CFAP47: variants seen among roughly 807,000 people sequenced by gnomAD.
The protein encoded by CFAP47 is cilia and flagella associated protein 47, also known as cilia- and flagella-associated protein 47.
A neutral mutation model predicts 148.1 loss-of-function variants in CFAP47; 29 were observed. The observed-to-expected ratio is 0.20, with a 90% confidence interval of 0.15 to 0.27. CFAP47 has a LOEUF of 0.27. Among genes scored for constraint, CFAP47 ranks in the 10% least tolerant of loss-of-function variants. The probability of loss-of-function intolerance (pLI) is 1.00; values close to 1 mark genes in which losing one functional copy is unlikely to be tolerated. For synonymous variants in CFAP47, 664 were observed against 577.3 expected, an observed-to-expected ratio of 1.15 and a Z score of -2.15; for missense variants, 1,872 against 1,697.5, an observed-to-expected ratio of 1.10 and a Z score of -1.81.
intron 39 of CFAP47, among the ~76,000 whole-genome samples, chrX:36,176,177 C>G (rs1939677881): frequency 8.9e-6 from 1 of 112,654 alleles, no homozygotes; most frequent in Non-Finnish European, 1.9e-5. Context: ...GGTGTGCGCA[C>G]CCACTGACCT....
intron 51 of CFAP47, among the ~76,000 whole-genome samples, chrX:36,294,747 AAT>A (rs1392159293): frequency 1.8e-5 from 2 of 111,197 alleles, no homozygotes; most frequent in Admixed American, 1.9e-4. Context: ...AAAATAAATA[AAT>A]ATGTATGTGT....
intron 57 of CFAP47, among the ~76,000 whole-genome samples, chrX:36,344,675 C>G (rs1941682730): frequency 8.9e-6 from 1 of 111,924 alleles, no homozygotes; most frequent in African/African-American, 3.2e-5. Flanking sequence ...TCTTCACTAT[C>G]TAAAAGCCTA....
chrX:36,187,562 C>A (rs987051206), intron 40 of CFAP47, among the ~76,000 whole-genome samples: 8 of 111,948 alleles, frequency 7.1e-5, no homozygotes, highest in African/African-American at 2.3e-4. Flanking sequence ...TCTGTATGGT[C>A]TCCCTTATAA....
intron 39 of CFAP47, among the ~76,000 whole-genome samples, chrX:36,172,508 G>A (rs1233598083): frequency 5.5e-5 from 6 of 108,841 alleles, no homozygotes; most frequent in Admixed American, 2.0e-4. Context: ...TTTAGCATGA[G>A]GGGTTGTTGA....
intron 39 of CFAP47, 81 bp downstream of exon 39, chrX:36,160,850 CTTTTTTT>C (rs147566241): frequency 2.5e-5 from 4 of 158,853 alleles, no homozygotes; most frequent in African/African-American, 4.2e-5. Flanking sequence ...TTCTTTCTTT[CTTTTTTT>C]TTTTTTTTTT....
intron 49 of CFAP47, among the ~76,000 whole-genome samples, chrX:36,277,524 TAA>T (rs1256909618): frequency 8.9e-6 from 1 of 112,075 alleles, no homozygotes; most frequent in Non-Finnish European, 1.9e-5. Context: ...GCCTAGAATT[TAA>T]AAAAATATTG....
At chrX:35,970,994 C>A (rs1443727440) in intron 11 of CFAP47, 71 bp downstream of exon 11, 1 of 854,450 alleles carries the variant, frequency 1.2e-6, no homozygotes, top group African/African-American at 2.1e-5. Flanking sequence ...TTTTTTAACT[C>A]CTTGGTTTCT....
chrX:35,960,390 A>G (rs1201125799), intron 8 of CFAP47, among the ~76,000 whole-genome samples: 1 of 100,697 alleles, frequency 9.9e-6, no homozygotes, highest in African/African-American at 3.7e-5. Context: ...GAAAAAAAAA[A>G]AAAAAAAAAA....
chrX:36,126,185 C>A (rs2146818376), intron 33 of CFAP47, among the ~76,000 whole-genome samples: 1 of 108,997 alleles, frequency 9.2e-6, no homozygotes, highest in Admixed American at 9.9e-5. Flanking sequence ...TTTGCTGCAC[C>A]CATCTACCCA....
Position 36,361,445 on chromosome X carries a change from G to A in CFAP47, c.8967G>A (p.Met2989Ile). ...TGATTGAAAAATCTTATGATATTAT[G>A]GCTAAAAGGATAACATTTATCTTCA... ...LYMIEKSYDI[M>I]AKRITFIFNL... The change falls in exon 61 of 64, where the codon ATG becomes ATA. Residue 2989 changes from methionine to isoleucine, a missense_variant. By Grantham distance (10) the Met-to-Ile change is conservative (BLOSUM62 1). Transcript: ENST00000378653. 9.2e-7 allele frequency: 1 copy of A among 1,087,838 alleles called. No homozygotes were observed. The highest frequency in any genetic ancestry group is 1.2e-6 in the Non-Finnish European group (1 of 809,664). The allele number at this position is 1,087,838 out of a possible 1,213,427, so 89.7% of individuals were successfully genotyped here.
At chrX:35,941,443 G>T (rs376553281) in intron 3 of CFAP47, 45 bp downstream of exon 3, 2 of 705,809 alleles carry the variant, frequency 2.8e-6, no homozygotes, top group African/African-American at 4.5e-5. Context: ...AGAAGAGTTG[G>T]TATTATTTGA....
chrX:35,989,747 T>C (rs191618181), intron 16 of CFAP47: 2 of 379,153 alleles, frequency 5.3e-6, no homozygotes, highest in East Asian at 9.5e-5. Context: ...TCTGGTACAG[T>C]CCAGAGGGCC....
chrX:36,325,716 A>G (rs1448519013), intron 57 of CFAP47, among the ~76,000 whole-genome samples: 1 of 111,156 alleles, frequency 9.0e-6, no homozygotes. Context: ...TGAAGATGCC[A>G]GGATTTTACA....
In CFAP47 at chrX:36,381,793, T is replaced by C. The variant is rs1050487958; in HGVS notation, c.9354+2275T>C. 2.7e-5 allele frequency among the ~76,000 whole-genome samples: 3 copies of C among 110,544 alleles called. No individual in the cohort carries two copies. The East Asian group carries it at 8.5e-4, about 31-fold the overall frequency. ...GAATTATCTAACATAAAATATATGA[T>C]GCTTTATCTTTATACTTATATAAAT... On this transcript the variant is annotated intron_variant, in intron 63 of 63. Coordinates refer to ENST00000378653, the MANE Select transcript of CFAP47 (RefSeq NM_001304548.2).
intron 39 of CFAP47, among the ~76,000 whole-genome samples, chrX:36,165,490 A>G (rs990462742): frequency 6.3e-5 from 7 of 111,235 alleles, no homozygotes; most frequent in African/African-American, 2.3e-4. Flanking sequence ...ACAACGTGTT[A>G]CTCTTATATA....
At chrX:36,123,012 A>G (rs10218055) in intron 33 of CFAP47, among the ~76,000 whole-genome samples, 10,908 of 111,611 alleles carry the variant, frequency 0.098, 1,047 homozygotes, top group African/African-American at 0.3. Flanking sequence ...CTGCTTTAGG[A>G]GGCACCCAAG....
intron 59 of CFAP47, among the ~76,000 whole-genome samples, chrX:36,352,359 C>A (rs1024319045): frequency 6.3e-5 from 7 of 111,151 alleles, no homozygotes; most frequent in African/African-American, 2.3e-4. Context: ...TTGTACATTT[C>A]ACATACTCAT....
intron 13 of CFAP47, among the ~76,000 whole-genome samples, chrX:35,973,383 G>A (rs901466153): frequency 6.3e-5 from 7 of 110,466 alleles, no homozygotes; most frequent in Non-Finnish European, 1.3e-4. Flanking sequence ...TAGAGACGGG[G>A]TTTCACTGTG....
rs1362836418 is a variant in CFAP47 at position 36,193,411 on chromosome X, G to T, written c.6321+3215G>T. Among the ~76,000 whole-genome samples, 3 of 111,441 alleles carry T rather than the reference G, an allele frequency of 2.7e-5. No homozygotes were observed. In the East Asian group the frequency reaches 8.4e-4, roughly 31 times the overall value. On this transcript the variant is annotated intron_variant, in intron 42 of 63. Transcript: ENST00000378653. Reference sequence around the variant, plus strand: ...CTTGAGGAACTGAGTATTATTTGAGGATGCTTTCTTTTTTATTTTTCATGA... The same window carrying T: ...CTTGAGGAACTGAGTATTATTTGAGTATGCTTTCTTTTTTATTTTTCATGA...
Sources: gnomAD v4.1 joint callset for allele counts (sites outside exome capture counted in the v4.1 genomes callset) on GRCh38, gnomAD v4.1.1 for gene constraint, MANE v1.5 for transcripts, NCBI Gene and HGNC (gene_info 2026-07-23, HGNC 2026-07-21) for gene names.